The following KLHL29 variants were observed in gnomAD, a reference collection of about 807,000 sequenced individuals.
KLHL29 encodes kelch like family member 29, also known as kelch-like protein 29.
A neutral mutation model predicts 80.4 loss-of-function variants in KLHL29; 21 were observed. The observed-to-expected ratio is 0.26, with a 90% CI of 0.19 to 0.38. The LOEUF is 0.38. Among genes scored for constraint, KLHL29 ranks in the 10% least tolerant of loss-of-function variants. The pLI is 1.00. For synonymous variants in KLHL29, 511 were observed against 526.8 expected, an observed-to-expected ratio of 0.97 and a Z score of 0.41; for missense variants, 867 against 1,223.9, an observed-to-expected ratio of 0.71 and a Z score of 4.35.
intron 2 of KLHL29, among the ~76,000 whole-genome samples, chr2:23,481,903 TA>T (rs11307329): frequency 0.34 from 50,382 of 146,348 alleles, 9,446 homozygotes; most frequent in Admixed American, 0.48. Flanking sequence ...GGTGACAGGT[TA>T]AAAAAAAAAA....
At chr2:23,470,750 C>A (rs1158208456) in intron 1 of KLHL29, among the ~76,000 whole-genome samples, 5 of 152,300 alleles carry the variant, frequency 3.3e-5, no homozygotes, top group Non-Finnish European at 4.4e-5. Context: ...AATAGGCAAT[C>A]TCTGCGTTGT....
chr2:23,434,073 G>A (rs1211348085), intron 1 of KLHL29, among the ~76,000 whole-genome samples: 1 of 151,964 alleles, frequency 6.6e-6, no homozygotes, highest in East Asian at 1.9e-4. Context: ...TGTAATCCCA[G>A]CACTTTGGGA....
chr2:23,706,058 A>G (rs913359715), intron 13 of KLHL29, among the ~76,000 whole-genome samples: 2 of 152,198 alleles, frequency 1.3e-5, no homozygotes, highest in African/African-American at 2.4e-5. Context: ...CTGACATTCA[A>G]TTCCAGCTGA....
At chr2:23,564,281 C>T (rs577291638) in intron 3 of KLHL29, among the ~76,000 whole-genome samples, 21 of 152,342 alleles carry the variant, frequency 1.4e-4, no homozygotes, top group African/African-American at 4.6e-4. Context: ...ATTCACCATC[C>T]TTGACTGGCC....
chr2:23,427,974 A>G (rs1663051606), intron 1 of KLHL29, among the ~76,000 whole-genome samples: 1 of 152,230 alleles, frequency 6.6e-6, no homozygotes, highest in African/African-American at 2.4e-5. Flanking sequence ...AGAGAATGCC[A>G]TTAACAAGCG....
At chr2:23,597,399 ATATATATATTTTTTTT>A (rs1558402824) in intron 3 of KLHL29, among the ~76,000 whole-genome samples, 12 of 79,740 alleles carry the variant, frequency 1.5e-4, no homozygotes, top group Non-Finnish European at 2.3e-4. Flanking sequence ...ATATATATAT[ATATATATATTTTTTTT>A]TTTTTTTTTT....
intron 5 of KLHL29, among the ~76,000 whole-genome samples, chr2:23,670,913 A>AAGCGCG (rs1553353327): frequency 3.9e-4 from 6 of 15,412 alleles, no homozygotes; most frequent in African/African-American, 7.3e-4. Context: ...ACACACATGC[A>AAGCGCG]CGCGCTCTCT....
At chr2:23,576,909 G>A (rs77662411) in intron 3 of KLHL29, among the ~76,000 whole-genome samples, 5,124 of 152,092 alleles carry the variant, frequency 0.034, 127 homozygotes, top group Non-Finnish European at 0.051. Flanking sequence ...TGATAGACCC[G>A]CGGTCAGATA....
intron 3 of KLHL29, among the ~76,000 whole-genome samples, chr2:23,607,078 C>T (rs938343347): frequency 1.4e-4 from 22 of 152,198 alleles, no homozygotes; most frequent in Admixed American, 2.6e-4. Context: ...ACCCTCATGA[C>T]CTAATCACTT....
intron 3 of KLHL29, among the ~76,000 whole-genome samples, chr2:23,625,299 T>C (rs1251506294): frequency 6.6e-6 from 1 of 152,280 alleles, no homozygotes; most frequent in Non-Finnish European, 1.5e-5. Context: ...ACTTCTCGTG[T>C]CTGCATATTT....
chr2:23,668,340 A>T (rs1429401770), intron 5 of KLHL29: 1 of 152,290 alleles, frequency 6.6e-6, no homozygotes, highest in East Asian at 1.9e-4. Context: ...TGCAGAGACT[A>T]GTCAGATGCA....
chr2:23,487,677 G>A (rs1036840563), intron 2 of KLHL29, among the ~76,000 whole-genome samples: 3 of 152,136 alleles, frequency 2.0e-5, no homozygotes, highest in South Asian at 2.1e-4. Flanking sequence ...CTGCTAAAAG[G>A]CTGCATTCTT....
At chr2:23,603,379 C>A (rs1475126262) in intron 3 of KLHL29, among the ~76,000 whole-genome samples, 1 of 152,152 alleles carries the variant, frequency 6.6e-6, no homozygotes, top group African/African-American at 2.4e-5. Context: ...GCAGTCAGGG[C>A]TCTGACAGCA....
chr2:23,397,916 C>T (rs1238293383), intron 1 of KLHL29, among the ~76,000 whole-genome samples: 1 of 152,224 alleles, frequency 6.6e-6, no homozygotes, highest in African/African-American at 2.4e-5. Flanking sequence ...TAAGATACCA[C>T]TTCACGTCCA....
At chr2:23,585,642 G>T (rs1668099365) in intron 3 of KLHL29, among the ~76,000 whole-genome samples, 2 of 152,026 alleles carry the variant, frequency 1.3e-5, no homozygotes, top group Non-Finnish European at 2.9e-5. Context: ...CTGCCCCCCA[G>T]GCTCCCCACC....
chr2:23,623,905 G>A (rs1172284596), intron 3 of KLHL29, among the ~76,000 whole-genome samples: 3 of 152,228 alleles, frequency 2.0e-5, no homozygotes, highest in African/African-American at 7.2e-5. Flanking sequence ...TTCTGGGTTT[G>A]GAGGGTCCCC....
intron 2 of KLHL29, among the ~76,000 whole-genome samples, chr2:23,552,461 T>C (rs1297497307): frequency 6.6e-6 from 1 of 152,236 alleles, no homozygotes; most frequent in Non-Finnish European, 1.5e-5. Context: ...TTGCTGCTGC[T>C]GTCCTGGCCA....
At chr2:23,556,405 A>G (rs1034746689) in intron 2 of KLHL29, among the ~76,000 whole-genome samples, 5 of 152,242 alleles carry the variant, frequency 3.3e-5, no homozygotes, top group African/African-American at 1.2e-4. Context: ...TTGAGAGGCC[A>G]AAGTGGGCGG....
intron 3 of KLHL29, among the ~76,000 whole-genome samples, chr2:23,634,776 AC>A (rs1044827964): frequency 2.0e-5 from 3 of 151,840 alleles, no homozygotes; most frequent in African/African-American, 7.3e-5. Context: ...AAACCTCAGC[AC>A]CCCCAATGAG....
Sources: gnomAD v4.1 joint callset for allele counts (sites outside exome capture counted in the v4.1 genomes callset) on GRCh38, gnomAD v4.1.1 for gene constraint, MANE v1.5 for transcripts, NCBI Gene and HGNC (gene_info 2026-07-23, HGNC 2026-07-21) for gene names.